The following TSHZ2 variants were observed in gnomAD, a reference collection of about 807,000 sequenced individuals.
TSHZ2 encodes teashirt homolog 2.
Under a neutral mutation model 74.4 loss-of-function variants are expected in TSHZ2, and 21 were observed. The ratio of observed to expected loss-of-function variants is 0.28; its 90% CI spans 0.20 to 0.41. The LOEUF (loss-of-function observed/expected upper bound fraction) is 0.41. TSHZ2 is among the 10% of genes least tolerant of loss of function. The probability of loss-of-function intolerance (pLI) is 1.00; values close to 1 mark genes in which losing one functional copy is unlikely to be tolerated. For synonymous variants in TSHZ2, 540 were observed against 515.3 expected, an observed-to-expected ratio of 1.05 and a Z score of -0.65; for missense variants, 1,244 against 1,293.5, an observed-to-expected ratio of 0.96 and a Z score of 0.59.
intron 2 of TSHZ2, among the ~76,000 whole-genome samples, chr20:53,359,157 G>A (rs768731066): frequency 2.0e-5 from 3 of 152,002 alleles, no homozygotes; most frequent in Non-Finnish European, 2.9e-5. Context: ...TTCATCATTC[G>A]ATCCTACCAA....
At chr20:53,356,746 A>G (rs759936492) in intron 2 of TSHZ2, among the ~76,000 whole-genome samples, 9 of 152,184 alleles carry the variant, frequency 5.9e-5, no homozygotes, top group Non-Finnish European at 1.3e-4. Context: ...ATTTACCAGC[A>G]GCCACCATTC....
intron 1 of TSHZ2, among the ~76,000 whole-genome samples, chr20:53,142,177 G>A (rs1371196862): frequency 6.6e-6 from 1 of 152,240 alleles, no homozygotes; most frequent in African/African-American, 2.4e-5. Context: ...ACTGGCTCAT[G>A]TGATTGAAGA....
chr20:53,343,733 C>T (rs1402604343), intron 2 of TSHZ2, among the ~76,000 whole-genome samples: 1 of 152,156 alleles, frequency 6.6e-6, no homozygotes, highest in African/African-American at 2.4e-5. Flanking sequence ...GTAGCTCTCG[C>T]CACGAGGTGA....
At chr20:53,284,788 G>C (rs1991134425) in intron 2 of TSHZ2, among the ~76,000 whole-genome samples, 1 of 149,152 alleles carries the variant, frequency 6.7e-6, no homozygotes, top group Admixed American at 6.7e-5. Context: ...GAGAGGAAGA[G>C]AGAGAGGAAC....
chr20:53,141,384 G>A (rs1987398278), intron 1 of TSHZ2, among the ~76,000 whole-genome samples: 2 of 152,162 alleles, frequency 1.3e-5, no homozygotes, highest in South Asian at 2.1e-4. Context: ...GAGAGGCTCC[G>A]CATCCTGGCC....
intron 1 of TSHZ2, among the ~76,000 whole-genome samples, chr20:53,194,414 G>C (rs1251600938): frequency 2.0e-5 from 3 of 152,222 alleles, no homozygotes; most frequent in Non-Finnish European, 2.9e-5. Context: ...GAGAGTGAAT[G>C]TCAATGCCAC....
At chr20:53,089,049 T>C (rs1306132399) in intron 1 of TSHZ2, among the ~76,000 whole-genome samples, 2 of 152,014 alleles carry the variant, frequency 1.3e-5, no homozygotes, top group Non-Finnish European at 2.9e-5. Context: ...CCGTGGCTCA[T>C]CTCAACCACC....
intron 2 of TSHZ2, among the ~76,000 whole-genome samples, chr20:53,385,588 A>C (rs1469943660): frequency 6.6e-6 from 1 of 152,158 alleles, no homozygotes; most frequent in Non-Finnish European, 1.5e-5. Context: ...CTTCCTTAAG[A>C]ATCTTTATCT....
At chr20:53,081,865 CTGTA>C (rs1985546212) in intron 1 of TSHZ2, among the ~76,000 whole-genome samples, 1 of 150,968 alleles carries the variant, frequency 6.6e-6, no homozygotes, top group African/African-American at 2.4e-5. Context: ...ATTAGACTGA[CTGTA>C]CGTAAGTATG....
intron 1 of TSHZ2, among the ~76,000 whole-genome samples, chr20:53,242,441 T>C (rs1990092919): frequency 6.6e-6 from 1 of 151,946 alleles, no homozygotes; most frequent in African/African-American, 2.4e-5. Context: ...AGTGCAAAGG[T>C]GAGATAAGAG....
At chr20:53,293,700 CAAAA>C (rs11476117) in intron 2 of TSHZ2, among the ~76,000 whole-genome samples, 71 of 120,240 alleles carry the variant, frequency 5.9e-4, no homozygotes, top group Middle Eastern at 4.2e-3. Context: ...AACTGGCTCT[CAAAA>C]AAAAAAAAAA....
At chr20:53,260,704 G>A (rs1000983111) in intron 2 of TSHZ2, among the ~76,000 whole-genome samples, 3 of 152,172 alleles carry the variant, frequency 2.0e-5, no homozygotes, top group African/African-American at 4.8e-5. Flanking sequence ...TCATAGGAAG[G>A]TTGTAAGAAT....
intron 1 of TSHZ2, among the ~76,000 whole-genome samples, chr20:53,042,413 G>A (rs1984073903): frequency 6.6e-6 from 1 of 152,110 alleles, no homozygotes; most frequent in African/African-American, 2.4e-5. Flanking sequence ...TCACTTCAGT[G>A]TGCTAGGCAT....
At chr20:53,080,456 A>G (rs1027698990) in intron 1 of TSHZ2, among the ~76,000 whole-genome samples, 2 of 152,200 alleles carry the variant, frequency 1.3e-5, no homozygotes, top group African/African-American at 4.8e-5. Flanking sequence ...TCAGTTCTTT[A>G]GAGCAACAGT....
chr20:53,047,443 C>A (rs1402331781), intron 1 of TSHZ2, among the ~76,000 whole-genome samples: 1 of 151,880 alleles, frequency 6.6e-6, no homozygotes, highest in East Asian at 1.9e-4. Context: ...TTCCAGCCAG[C>A]AAGAAAGGAA....
At chr20:53,291,083 A>C (rs1991268781) in intron 2 of TSHZ2, among the ~76,000 whole-genome samples, 1 of 152,194 alleles carries the variant, frequency 6.6e-6, no homozygotes, top group Non-Finnish European at 1.5e-5. Context: ...GGAGAAAGCC[A>C]TATTCCCATG....
chr20:53,087,988 A>T (rs1339948166), intron 1 of TSHZ2, among the ~76,000 whole-genome samples: 1 of 152,176 alleles, frequency 6.6e-6, no homozygotes, highest in African/African-American at 2.4e-5. Flanking sequence ...ATTATTTTTT[A>T]AAATTGACTT....
chr20:53,452,904 G>A (rs1984858573), intron 2 of TSHZ2, among the ~76,000 whole-genome samples: 1 of 152,150 alleles, frequency 6.6e-6, no homozygotes. Flanking sequence ...TTGACTAGAA[G>A]CTTCTTGAAG....
rs149635565 is a variant in TSHZ2, at chr20:53,292,447, A to ATTTT, written c.*8+35891_*8+35894dup. Among the ~76,000 whole-genome samples, 613 of 141,406 alleles carry ATTTT rather than the reference A, an allele frequency of 4.3e-3. 4 individuals carry two copies. The highest frequency in any genetic ancestry group is 0.015 in the African/African-American group (581 of 38,820). 92.8% of individuals were successfully genotyped at this position (141,406 alleles called of 152,430 possible). On this transcript the variant is annotated intron_variant, in intron 2 of 2. Coordinates refer to ENST00000371497, the MANE Select transcript of TSHZ2 (RefSeq NM_173485.6). ...GCCAGTAAATGCACACAAACCACCT[A>ATTTT]TTTTTTTTTTTTTTTTTTGAGACAG...
Sources: allele counts gnomAD v4.1 joint callset (sites outside exome capture counted in the v4.1 genomes callset), GRCh38; gene constraint gnomAD v4.1.1; transcripts MANE v1.5; gene names NCBI Gene and HGNC (gene_info 2026-07-23, HGNC 2026-07-21).